MKLN1: variants seen among roughly 807,000 people sequenced by gnomAD.
MKLN1 encodes muskelin 1.
MKLN1 carries 18 observed loss-of-function variants against 99.0 expected under a neutral mutation model. The ratio of observed to expected loss-of-function variants is 0.18; its 90% CI spans 0.13 to 0.27. MKLN1 has a LOEUF of 0.27. Ranked by LOEUF, MKLN1 falls within the 10% of genes least tolerant of loss-of-function variation. The pLI is 1.00. For synonymous variants in MKLN1, 288 were observed against 293.2 expected, an observed-to-expected ratio of 0.98 and a Z score of 0.18; for missense variants, 621 against 875.9, an observed-to-expected ratio of 0.71 and a Z score of 3.67.
At chr7:131,328,629 A>G (rs1798970257) in intron 1 of MKLN1, among the ~76,000 whole-genome samples, 1 of 152,192 alleles carries the variant, frequency 6.6e-6, no homozygotes, top group Admixed American at 6.5e-5. Context: ...GGGAGTGGGA[A>G]GGAGGGACGT....
chr7:131,325,134 C>A, upstream of MKLN1, among the ~76,000 whole-genome samples: 1 of 151,976 alleles, frequency 6.6e-6, no homozygotes. Context: ...TACTGAACAT[C>A]TTTATTTGCT....
At chr7:131,448,984 A>T (rs1215492093) in intron 12 of MKLN1, among the ~76,000 whole-genome samples, 2 of 152,116 alleles carry the variant, frequency 1.3e-5, no homozygotes, top group African/African-American at 4.8e-5. Flanking sequence ...CCCTTAGAGG[A>T]CTCACATTCT....
At chr7:131,237,738 G>T (rs1797344975) in intron 3 of MKLN1, among the ~76,000 whole-genome samples, 1 of 152,196 alleles carries the variant, frequency 6.6e-6, no homozygotes, top group Non-Finnish European at 1.5e-5. Flanking sequence ...AGCAGGTAAA[G>T]ATGGAGATAA....
intron 3 of MKLN1, among the ~76,000 whole-genome samples, chr7:131,232,624 G>A (rs1797259152): frequency 6.6e-6 from 1 of 152,162 alleles, no homozygotes; most frequent in South Asian, 2.1e-4. Flanking sequence ...AGAATATTGA[G>A]TTTTTGGCAG....
rs566663242 is a variant in MKLN1 at position 131,201,241 on chromosome 7, A to G, written c.-296-1616A>G. The stretch of plus-strand genomic sequence containing the variant: ...CACCATGTTGTCCAGGCTGGTCTCA[A>G]ATTCCTGACCTCAGGTAATCCACCT... On this transcript the variant is annotated intron_variant, in intron 2 of 7. Transcript: ENST00000416992. 2.0e-5 allele frequency among the ~76,000 whole-genome samples: 3 copies of G among 152,266 alleles called. No individual in the cohort carries two copies. The South Asian group carries it at 6.2e-4, about 32-fold the overall frequency.
At chr7:131,381,917 G>A (rs528020386) in intron 2 of MKLN1, among the ~76,000 whole-genome samples, 10 of 152,254 alleles carry the variant, frequency 6.6e-5, no homozygotes, top group African/African-American at 2.4e-4. Context: ...ATACTGGCAA[G>A]CGCAAGTGTC....
intron 2 of MKLN1, among the ~76,000 whole-genome samples, chr7:131,380,672 A>G (rs977854279): frequency 2.6e-5 from 4 of 152,188 alleles, no homozygotes; most frequent in East Asian, 1.9e-4. Flanking sequence ...GCTTGTTTCA[A>G]ATCACTTAAG....
intron 17 of MKLN1, among the ~76,000 whole-genome samples, chr7:131,486,173 T>C (rs1289147794): frequency 6.6e-6 from 1 of 151,690 alleles, no homozygotes; most frequent in African/African-American, 2.4e-5. Flanking sequence ...CTATATGGGG[T>C]GTTCATTGCA....
At chr7:131,312,115 C>T (rs1405166340) in intron 3 of MKLN1, among the ~76,000 whole-genome samples, 11 of 151,972 alleles carry the variant, frequency 7.2e-5, no homozygotes, top group African/African-American at 1.5e-4. Context: ...CTCTGCCTCC[C>T]GGGTTCAAGT....
intron 2 of MKLN1, among the ~76,000 whole-genome samples, chr7:131,175,016 G>A (rs548281112): frequency 1.4e-5 from 2 of 148,102 alleles, no homozygotes; most frequent in South Asian, 4.3e-4. Flanking sequence ...GATAGGGTGG[G>A]TATATAGATA....
intron 1 of MKLN1, among the ~76,000 whole-genome samples, chr7:131,337,618 A>G (rs556497737): frequency 4.1e-4 from 62 of 152,016 alleles, no homozygotes; most frequent in Non-Finnish European, 6.3e-4. Flanking sequence ...ATATTAATCA[A>G]ATTGCTTTAA....
intron 2 of MKLN1, among the ~76,000 whole-genome samples, chr7:131,177,873 G>A (rs1796322813): frequency 6.6e-6 from 1 of 152,172 alleles, no homozygotes; most frequent in South Asian, 2.1e-4. Flanking sequence ...ATGTTTGGAG[G>A]TAGGAAGTCC....
intron 1 of MKLN1, among the ~76,000 whole-genome samples, chr7:131,343,147 G>A (rs1409150306): frequency 6.6e-6 from 1 of 152,190 alleles, no homozygotes. Flanking sequence ...GCCTTCCTTT[G>A]GGTACTGATT....
chr7:131,433,012 A>G (rs1001782434), intron 9 of MKLN1, among the ~76,000 whole-genome samples: 2 of 152,142 alleles, frequency 1.3e-5, no homozygotes, highest in Non-Finnish European at 2.9e-5. Context: ...AATCTAATCC[A>G]CAGTTCCTAT....
chr7:131,425,525 G>A (rs771277786), intron 8 of MKLN1, among the ~76,000 whole-genome samples: 1 of 152,034 alleles, frequency 6.6e-6, no homozygotes, highest in African/African-American at 2.4e-5. Context: ...TTGAGGATAG[G>A]GACTGGGGAC....
chr7:131,355,444 C>A (rs939112497), intron 1 of MKLN1, among the ~76,000 whole-genome samples: 1 of 151,646 alleles, frequency 6.6e-6, no homozygotes, highest in South Asian at 2.1e-4. Context: ...TTTACTTATA[C>A]ATACATATAT....
intron 17 of MKLN1, 124 bp downstream of exon 17, chr7:131,478,801 C>G (rs754719631): frequency 2.5e-6 from 3 of 1,189,012 alleles, no homozygotes; most frequent in South Asian, 2.5e-5. Flanking sequence ...AATGAAGTTT[C>G]AAGGTATCAT....
intron 16 of MKLN1, among the ~76,000 whole-genome samples, chr7:131,473,753 G>A (rs545564296): frequency 2.7e-4 from 41 of 152,330 alleles, no homozygotes; most frequent in Non-Finnish European, 3.5e-4. Context: ...CAGAGGAGCT[G>A]TATCAGCAAA....
chr7:131,336,231 G>A lies in MKLN1; in HGVS notation c.98+8234G>A, dbSNP rs185556872. ...TTATCTCTAGTAACACTTGTCTCTC[G>A]CCTCAAAGTCTTCTTAGCTACACCT... On this transcript the variant is annotated intron_variant, in intron 1 of 17. Transcript: ENST00000352689. Among the ~76,000 whole-genome samples, 233 of 151,680 alleles carry A rather than the reference G, an allele frequency of 1.5e-3. 4 individuals are homozygous for A. Among genetic ancestry groups the A allele is most frequent in the African/African-American group, 5.3e-3 (218 of 41,380 alleles).
Sources: gnomAD v4.1 joint callset for allele counts (sites outside exome capture counted in the v4.1 genomes callset) on GRCh38, gnomAD v4.1.1 for gene constraint, MANE v1.5 for transcripts, NCBI Gene and HGNC (gene_info 2026-07-23, HGNC 2026-07-21) for gene names.